The following NPAS3 variants were observed in gnomAD, a reference collection of about 807,000 sequenced individuals.
NPAS3 encodes neuronal PAS domain-containing protein 3.
NPAS3 carries 14 observed loss-of-function variants against 73.1 expected under a neutral mutation model. The observed-to-expected ratio is 0.19, with a 90% CI of 0.13 to 0.30. The LOEUF (loss-of-function observed/expected upper bound fraction) is 0.30. NPAS3 is among the 10% of genes least tolerant of loss of function. NPAS3 has a pLI of 1.00. For synonymous variants in NPAS3, 620 were observed against 541.5 expected (o/e 1.14, Z -2.01); for missense variants, 1,096 against 1,250.0 (o/e 0.88, Z 1.86).
rs183845181 is a variant in NPAS3, at chr14:33,283,931, G to A, written c.385+68505G>A. On this transcript the variant is annotated intron_variant, in intron 3 of 11. Coordinates refer to ENST00000356141, the Ensembl canonical transcript of NPAS3. ...CGTAAACCCTGTGAGGATCAGAATT[G>A]TGGCCTCCTCCTATCAGGTTCAGAA... is the stretch of plus-strand genomic sequence containing the variant. Among the ~76,000 whole-genome samples the A allele has an allele frequency of 1.6e-4, 25 of 152,280 alleles. No individual in the cohort carries two copies. In the East Asian group the frequency reaches 4.4e-3, roughly 27 times the overall value.
intron 2 of NPAS3, among the ~76,000 whole-genome samples, chr14:33,211,445 T>C (rs2047031508): frequency 6.6e-6 from 1 of 152,068 alleles, no homozygotes; most frequent in Admixed American, 6.5e-5. Context: ...TCCCAGCTAG[T>C]TGGGAGACTG....
At chr14:33,443,521 A>G (rs540792137) in intron 4 of NPAS3, among the ~76,000 whole-genome samples, 17 of 152,332 alleles carry the variant, frequency 1.1e-4, no homozygotes, top group Admixed American at 1.1e-3. Context: ...TTGTCCTGGA[A>G]GATACATGAC....
intron 9 of NPAS3, among the ~76,000 whole-genome samples, chr14:33,786,557 A>C (rs549831595): frequency 6.6e-6 from 1 of 152,278 alleles, no homozygotes; most frequent in South Asian, 2.1e-4. Context: ...ATAACACTTA[A>C]TTGTTAAAGG....
At chr14:33,284,027 C>T (rs914467744) in intron 3 of NPAS3, among the ~76,000 whole-genome samples, 4 of 152,096 alleles carry the variant, frequency 2.6e-5, no homozygotes, top group African/African-American at 9.7e-5. Flanking sequence ...CCTTTTTCTC[C>T]TTTCTTCATA....
intron 8 of NPAS3, among the ~76,000 whole-genome samples, chr14:33,777,560 T>TA (rs5807745): frequency 0.066 from 9,218 of 140,628 alleles, 909 homozygotes; most frequent in African/African-American, 0.21. Context: ...CCGTAAGTCA[T>TA]AAAAAAAAAA....
intron 2 of NPAS3, among the ~76,000 whole-genome samples, chr14:33,185,809 A>G (rs1249960887): frequency 6.6e-6 from 1 of 152,164 alleles, no homozygotes; most frequent in Non-Finnish European, 1.5e-5. Context: ...GGAACCTGTG[A>G]GTCAAGGTTA....
intron 7 of NPAS3, among the ~76,000 whole-genome samples, chr14:33,741,635 T>G (rs1247864499): frequency 2.0e-5 from 3 of 152,196 alleles, no homozygotes; most frequent in African/African-American, 7.2e-5. Flanking sequence ...TACCAAGGCA[T>G]GACAGTAGTT....
chr14:33,712,144 C>T (rs2060836233), intron 6 of NPAS3, among the ~76,000 whole-genome samples: 1 of 152,084 alleles, frequency 6.6e-6, no homozygotes, highest in Non-Finnish European at 1.5e-5. Flanking sequence ...TCACTGGGAG[C>T]TGTAAAAAAA....
At chr14:32,960,951 T>C (rs916852370) in intron 1 of NPAS3, among the ~76,000 whole-genome samples, 84 of 152,352 alleles carry the variant, frequency 5.5e-4, no homozygotes, top group African/African-American at 1.9e-3. Context: ...AGAGAAATGT[T>C]TGTGCAGCTT....
intron 3 of NPAS3, among the ~76,000 whole-genome samples, chr14:33,361,317 A>G (rs992393513): frequency 1.3e-5 from 2 of 152,230 alleles, no homozygotes; most frequent in Non-Finnish European, 2.9e-5. Flanking sequence ...GGACTATGCC[A>G]TTTTGGTGTA....
intron 2 of NPAS3, among the ~76,000 whole-genome samples, chr14:33,205,512 A>G (rs2046790059): frequency 6.6e-6 from 1 of 152,220 alleles, no homozygotes; most frequent in Non-Finnish European, 1.5e-5. Flanking sequence ...CCTGGCAACC[A>G]TACATGTGCT....
At position 33,514,117 on chromosome 14, in the gene NPAS3, A is replaced by G. The variant is rs143937441; in HGVS notation, c.469-46004A>G. Among the ~76,000 whole-genome samples the G allele has an allele frequency of 1.5e-3, 235 of 152,184 alleles. 1 individual carries two copies. Among genetic ancestry groups the G allele is most frequent in the African/African-American group, 5.5e-3 (229 of 41,568 alleles). ...ATGAGTTCACTCACACAATTGCAGT[A>G]CAATTTTGTCCATGTCTGCATTATT... On this transcript the variant is annotated intron_variant, in intron 4 of 11. Coordinates refer to ENST00000356141, the Ensembl canonical transcript of NPAS3.
At chr14:33,313,001 T>C (rs1221797245) in intron 3 of NPAS3, among the ~76,000 whole-genome samples, 1 of 152,046 alleles carries the variant, frequency 6.6e-6, no homozygotes, top group Non-Finnish European at 1.5e-5. Context: ...TTGGGAATTA[T>C]GGAACTTGCT....
intron 1 of NPAS3, among the ~76,000 whole-genome samples, chr14:32,951,824 T>C (rs2036495115): frequency 6.6e-6 from 1 of 152,134 alleles, no homozygotes; most frequent in Admixed American, 6.5e-5. Context: ...TTTATTTCTT[T>C]TTAACCTTGT....
chr14:33,324,208 G>GT (rs2043587564), intron 3 of NPAS3, among the ~76,000 whole-genome samples: 2 of 152,182 alleles, frequency 1.3e-5, no homozygotes, highest in Non-Finnish European at 2.9e-5. Flanking sequence ...GGCAATTTGT[G>GT]TAACAGTGCC....
At chr14:33,268,307 A>G (rs964224485) in intron 3 of NPAS3, among the ~76,000 whole-genome samples, 3 of 152,030 alleles carry the variant, frequency 2.0e-5, no homozygotes, top group African/African-American at 7.2e-5. Context: ...CCCAGCTTAG[A>G]CTTTTTGACT....
chr14:33,636,692 G>C (rs564338559), intron 5 of NPAS3, among the ~76,000 whole-genome samples: 4 of 152,244 alleles, frequency 2.6e-5, no homozygotes, highest in African/African-American at 9.6e-5. Context: ...GCCCCCAAAC[G>C]CACACCAGTC....
At chr14:33,567,344 C>A (rs1028760887) in intron 5 of NPAS3, among the ~76,000 whole-genome samples, 1 of 152,232 alleles carries the variant, frequency 6.6e-6, no homozygotes, top group Non-Finnish European at 1.5e-5. Flanking sequence ...AAACCCAACA[C>A]TCATTCCAGA....
intron 3 of NPAS3, among the ~76,000 whole-genome samples, chr14:33,255,802 G>C (rs955111135): frequency 6.6e-6 from 1 of 152,162 alleles, no homozygotes; most frequent in African/African-American, 2.4e-5. Flanking sequence ...CAATTAGATG[G>C]AATTTATTGA....
Sources: allele counts gnomAD v4.1 joint callset (sites outside exome capture counted in the v4.1 genomes callset), GRCh38; gene constraint gnomAD v4.1.1; transcripts MANE v1.5; gene names NCBI Gene and HGNC (gene_info 2026-07-23, HGNC 2026-07-21).